The following ARHGEF28 variants were observed in gnomAD, a reference collection of about 807,000 sequenced individuals.
ARHGEF28 encodes Rho guanine nucleotide exchange factor 28.
A neutral mutation model predicts 206.6 loss-of-function variants in ARHGEF28; 152 were observed. The ratio of observed to expected loss-of-function variants is 0.74; its 90% CI spans 0.64 to 0.84. The LOEUF (loss-of-function observed/expected upper bound fraction) is 0.84. Among genes scored for constraint, ARHGEF28 ranks in the 40% least tolerant of loss-of-function variants. The probability of loss-of-function intolerance (pLI) is 0.00; values close to 1 mark genes in which losing one functional copy is unlikely to be tolerated. For synonymous variants in ARHGEF28, 763 were observed against 776.4 expected (o/e 0.98, Z 0.29); for missense variants, 2,028 against 2,073.2 (o/e 0.98, Z 0.42).
chr5:73,909,764 A>G lies in ARHGEF28; in HGVS notation c.4514A>G (p.Glu1505Gly). The change falls in exon 34 of 36, where the codon GAG becomes GGG. Residue 1505 changes from glutamate to glycine, a missense_variant. Coordinates refer to ENST00000513042, the MANE Select transcript of ARHGEF28 (RefSeq NM_001177693.2). ...LQLQEYQHSLERLREGQRLVE... is the reference protein window; with the variant it reads ...LQLQEYQHSLGRLREGQRLVE... ...CTCCAGGAGTACCAGCACAGCCTGG[A>G]GCGGCTGAGGGAGGGCCAGCGCCTG... 2 of 1,513,194 alleles carry G rather than the reference A, an allele frequency of 1.3e-6. No individual in the cohort carries two copies. Among genetic ancestry groups the G allele is most frequent in the Non-Finnish European group, 1.8e-6 (2 of 1,132,490 alleles). The allele number at this position is 1,513,194 out of a possible 1,614,324, so 93.7% of individuals were successfully genotyped here. A position where few individuals can be genotyped will look rare whatever the true frequency, so the allele number is the denominator to read the frequency against.
chr5:73,841,720 A>G (rs1474907042), intron 11 of ARHGEF28, among the ~76,000 whole-genome samples: 1 of 151,506 alleles, frequency 6.6e-6, no homozygotes, highest in Non-Finnish European at 1.5e-5. Flanking sequence ...AAGAAAAAAA[A>G]AAAAAAAAGA....
Position 73,846,385 on chromosome 5 carries a change from T to A in ARHGEF28, c.1545T>A (p.Asp515Glu), listed in dbSNP as rs778044885. 3.1e-6 allele frequency: 5 copies of A among 1,613,874 alleles called. No homozygotes were observed. Among genetic ancestry groups the A allele is most frequent in the Non-Finnish European group, 4.2e-6 (5 of 1,179,868 alleles). ...SSSRTGIPSG[D>E]ELDSFETNTE... ...CAAGAACTGGGATTCCTAGTGGGGA[T>A]GAATTGGACTCTTTTGAGACTAACA... Residue 515 changes from aspartate to glutamate, a missense_variant, in exon 12 of 36, where the codon GAT (aspartate) becomes GAA (glutamate). Asp to Glu is a conservative substitution (Grantham distance 45). Around this residue, in one of 3 missense-constraint regions of ARHGEF28, gnomAD observed 1,002 missense variants for 1,015.3 expected, o/e 0.99. Coordinates refer to ENST00000513042, the MANE Select transcript of ARHGEF28 (RefSeq NM_001177693.2).
At chr5:73,639,031 A>G (rs553572603) in intron 1 of ARHGEF28, among the ~76,000 whole-genome samples, 48 of 152,186 alleles carry the variant, frequency 3.2e-4, no homozygotes, top group African/African-American at 1.0e-3. Context: ...TACAGGGAAG[A>G]GAGAATGAGC....
intron 33 of ARHGEF28, chr5:73,909,124 C>T (rs376681233): frequency 1.0e-5 from 3 of 288,932 alleles, no homozygotes; most frequent in African/African-American, 2.2e-5. Flanking sequence ...TAACTATCAC[C>T]CAACCACCAG....
intron 26 of ARHGEF28, among the ~76,000 whole-genome samples, chr5:73,891,412 A>G (rs1457954984): frequency 6.6e-6 from 1 of 152,060 alleles, no homozygotes. Flanking sequence ...TCTCTTTGAC[A>G]TTTGACATAG....
chr5:73,910,850 G>A (rs1470957174), intron 34 of ARHGEF28, among the ~76,000 whole-genome samples: 1 of 152,116 alleles, frequency 6.6e-6, no homozygotes, highest in East Asian at 1.9e-4. Context: ...TACTGATAGT[G>A]CCTAAAGTTG....
chr5:73,865,179 A>G (rs1022628474), intron 17 of ARHGEF28, among the ~76,000 whole-genome samples: 2 of 152,190 alleles, frequency 1.3e-5, no homozygotes, highest in African/African-American at 2.4e-5. Flanking sequence ...GTAAGTCACA[A>G]ATGTCTGCAA....
At chr5:73,816,435 T>G (rs1423720944) in intron 9 of ARHGEF28, among the ~76,000 whole-genome samples, 3 of 152,338 alleles carry the variant, frequency 2.0e-5, no homozygotes, top group African/African-American at 7.2e-5. Flanking sequence ...TCAAGTCACC[T>G]GAGAAATCAT....
intron 2 of ARHGEF28, among the ~76,000 whole-genome samples, chr5:73,709,804 C>T (rs940307630): frequency 6.6e-6 from 1 of 152,170 alleles, no homozygotes; most frequent in Non-Finnish European, 1.5e-5. Flanking sequence ...GGTCATGACC[C>T]GCATTCTTTC....
intron 33 of ARHGEF28, chr5:73,909,189 T>C: frequency 2.1e-6 from 1 of 483,340 alleles, no homozygotes; most frequent in East Asian, 3.4e-5. Flanking sequence ...CTTTGTTTCT[T>C]TTCTCTATAA....
In ARHGEF28 at chr5:73,909,842, G is replaced by A. The variant is rs760412313; in HGVS notation, c.4592G>A (p.Trp1531Ter). Residue 1531 changes from tryptophan (W) to a stop codon, truncating the protein, a stop_gained, in exon 34 of 36, where the codon TGG (tryptophan) becomes TAG (stop). Coordinates refer to ENST00000513042, the MANE Select transcript of ARHGEF28 (RefSeq NM_001177693.2). LOFTEE classifies it high-confidence loss of function. ...MRAQQSLLGH[W>*]KHGRQRSLPA... ...GCCCAGCAGAGCCTGCTGGGCCACT[G>A]GAAGCACGGCCGGCAGAGGAGCCTG... 5.8e-6 allele frequency: 9 copies of A among 1,541,756 alleles called. No homozygotes were observed. The highest frequency in any genetic ancestry group is 2.5e-5 in the South Asian group (2 of 80,826).
At chr5:73,757,709 TA>T (rs1251292756) in intron 4 of ARHGEF28, among the ~76,000 whole-genome samples, 5 of 152,204 alleles carry the variant, frequency 3.3e-5, no homozygotes, top group Admixed American at 2.6e-4. Context: ...TATTTAATTT[TA>T]GACCATAAAT....
intron 30 of ARHGEF28, chr5:73,898,354 C>T (rs1762080022): frequency 7.7e-6 from 2 of 259,702 alleles, no homozygotes; most frequent in East Asian, 7.0e-5. Flanking sequence ...AATATCGGAC[C>T]TTCCCCAACC....
chr5:73,724,554 T>C (rs1482441033), intron 2 of ARHGEF28, among the ~76,000 whole-genome samples: 1 of 152,220 alleles, frequency 6.6e-6, no homozygotes, highest in African/African-American at 2.4e-5. Context: ...CCCTTTGTTG[T>C]AGCCAGTGCT....
chr5:73,630,423 C>A lies in ARHGEF28; in HGVS notation c.-12+4101C>A, dbSNP rs143511544. ...CTCAGGTTTTTCCATTTGTAAAATGCGGATAATAATAGTAACCTGCTTCAA... is the reference window on the plus strand; with the variant it reads ...CTCAGGTTTTTCCATTTGTAAAATGAGGATAATAATAGTAACCTGCTTCAA... On this transcript the variant is annotated intron_variant, in intron 1 of 35. Transcript: ENST00000513042. Among the ~76,000 whole-genome samples the A allele has an allele frequency of 2.4e-4, 36 of 152,248 alleles. No homozygotes were observed. The East Asian group carries it at 5.8e-3, about 25-fold the overall frequency.
intron 33 of ARHGEF28, among the ~76,000 whole-genome samples, chr5:73,908,078 C>T (rs1415549434): frequency 6.6e-6 from 1 of 152,124 alleles, no homozygotes; most frequent in Non-Finnish European, 1.5e-5. Context: ...ATTTAAAGAT[C>T]ATAGTAATTA....
chr5:73,919,855 A>C (rs921198736), intron 35 of ARHGEF28, among the ~76,000 whole-genome samples: 2 of 152,220 alleles, frequency 1.3e-5, no homozygotes, highest in Non-Finnish European at 2.9e-5. Flanking sequence ...TCTTGTTAGC[A>C]CTTATAATTT....
rs374078902 is a variant in ARHGEF28, at chr5:73,905,658, A to T, written c.4161+1253A>T. 1.2e-3 allele frequency among the ~76,000 whole-genome samples: 190 copies of T among 152,302 alleles called. 1 individual carries two copies. The highest frequency in any genetic ancestry group is 8.7e-3 in the South Asian group (42 of 4,822). On this transcript the variant is annotated intron_variant, in intron 33 of 35. Coordinates refer to ENST00000513042, the MANE Select transcript of ARHGEF28 (RefSeq NM_001177693.2). Reference sequence around the variant, plus strand: ...CTATTATTCTATTGCATACTTTTTAATGATTATATATTAAATTCAACTCTG... The same window carrying T: ...CTATTATTCTATTGCATACTTTTTATTGATTATATATTAAATTCAACTCTG...
chr5:73,908,099 T>C (rs1762649014), intron 33 of ARHGEF28, among the ~76,000 whole-genome samples: 1 of 152,226 alleles, frequency 6.6e-6, no homozygotes, highest in Non-Finnish European at 1.5e-5. Context: ...ATACCTATTC[T>C]GGATGATAAT....
Sources: allele counts gnomAD v4.1 joint callset (sites outside exome capture counted in the v4.1 genomes callset), GRCh38; gene constraint gnomAD v4.1.1; regional missense constraint gnomAD v4.1.1; transcripts MANE v1.5; gene names NCBI Gene and HGNC (gene_info 2026-07-23, HGNC 2026-07-21).